TAOK1: variants seen among roughly 807,000 people sequenced by gnomAD.
TAOK1 encodes serine/threonine-protein kinase TAO1.
Under a neutral mutation model 138.3 loss-of-function variants are expected in TAOK1, and 21 were observed. That is an observed-to-expected ratio of 0.15 (90% CI 0.11 to 0.22). The LOEUF is 0.22. Among genes scored for constraint, TAOK1 ranks in the 10% least tolerant of loss-of-function variants. The pLI, the probability that TAOK1 is intolerant of heterozygous loss-of-function variation, is 1.00. For synonymous variants in TAOK1, 361 were observed against 398.4 expected (o/e 0.91, Z 1.12); for missense variants, 651 against 1,227.7 (o/e 0.53, Z 7.02).
At chr17:29,443,049 A>T (rs2029986351) in intron 1 of TAOK1, among the ~76,000 whole-genome samples, 1 of 152,140 alleles carries the variant, frequency 6.6e-6, no homozygotes, top group South Asian at 2.1e-4. Context: ...TAGATAGTAT[A>T]ATCTCTACCA....
chr17:29,447,713 A>G (rs1203143817), intron 1 of TAOK1, among the ~76,000 whole-genome samples: 5 of 150,594 alleles, frequency 3.3e-5, no homozygotes, highest in African/African-American at 4.9e-5. Context: ...CTGCAGTGCA[A>G]TGACACGATC....
At position 29,390,925 on chromosome 17, in the gene TAOK1, C is replaced by A. The variant is rs933288417; in HGVS notation, c.-194C>A. ...GGGGGGCGGCGATCTGTCGCCGGGC[C>A]CCCTCCTCCTCCTCACTCCTCACCC... On this transcript the variant is annotated 5_prime_UTR_variant, in exon 1 of 20. Transcript: ENST00000261716. 1.3e-5 allele frequency: 2 copies of A among 152,304 alleles called. No homozygotes were observed. The highest frequency in any genetic ancestry group is 2.9e-5 in the Non-Finnish European group (2 of 68,166). 9.4% of individuals were successfully genotyped at this position (152,304 alleles called of 1,614,324 possible).
Position 29,470,951 on chromosome 17 carries a change from C to A in TAOK1, c.204+3735C>A, listed in dbSNP as rs558464023. 5.3e-5 allele frequency among the ~76,000 whole-genome samples: 8 copies of A among 152,224 alleles called. No individual in the cohort carries two copies. In the East Asian group the frequency reaches 1.6e-3, roughly 30 times the overall value. On this transcript the variant is annotated intron_variant, in intron 3 of 19. Transcript: ENST00000261716. Reference sequence around the variant, plus strand: ...CAGCCTGGCCAATGTGGTGGAAAACCCTGTCTCTACTAAAAATACAAAAAT... The same window carrying A: ...CAGCCTGGCCAATGTGGTGGAAAACACTGTCTCTACTAAAAATACAAAAAT...
Position 29,530,583 on chromosome 17 carries a change from T to C in TAOK1, c.2325T>C (p.Tyr775=), listed in dbSNP as rs1210846767. Residue 775 remains tyrosine, a synonymous_variant, in exon 18 of 20, where the codon TAT becomes TAC. Transcript: ENST00000261716. ...TRKLAILAEQ[Y]DHSINEMLST... ...AATTAGCTATCTTGGCTGAGCAGTATGATCACAGCATTAATGAAATGCTCT... is the reference window on the plus strand; with the variant it reads ...AATTAGCTATCTTGGCTGAGCAGTACGATCACAGCATTAATGAAATGCTCT... 2 of 1,614,166 alleles carry C rather than the reference T, an allele frequency of 1.2e-6. No individual in the cohort carries two copies. The highest frequency in any genetic ancestry group is 1.7e-6 in the Non-Finnish European group (2 of 1,180,038).
chr17:29,417,215 A>G (rs774423840), intron 1 of TAOK1, among the ~76,000 whole-genome samples: 1 of 152,190 alleles, frequency 6.6e-6, no homozygotes, highest in Non-Finnish European at 1.5e-5. Flanking sequence ...GGGTTTTGCC[A>G]TGTTGGCCAG....
intron 2 of TAOK1, among the ~76,000 whole-genome samples, chr17:29,463,399 A>G (rs1598491436): frequency 6.6e-6 from 1 of 152,006 alleles, no homozygotes; most frequent in East Asian, 1.9e-4. Context: ...GCGAAACCCC[A>G]TCTTTACTGA....
chr17:29,537,386 G>A (rs1331380100), intron 19 of TAOK1, among the ~76,000 whole-genome samples: 1 of 151,782 alleles, frequency 6.6e-6, no homozygotes, highest in African/African-American at 2.4e-5. Context: ...GACTCACTCT[G>A]TTGCCCAGGC....
chr17:29,411,114 C>T (rs554516003), intron 1 of TAOK1, among the ~76,000 whole-genome samples: 3 of 91,742 alleles, frequency 3.3e-5, no homozygotes, highest in African/African-American at 1.2e-4. Flanking sequence ...TTTTTTGAGA[C>T]GGAGTCTCGC....
At chr17:29,493,494 GAA>G (rs1219822637) in intron 10 of TAOK1, among the ~76,000 whole-genome samples, 10 of 124,316 alleles carry the variant, frequency 8.0e-5, no homozygotes, top group Non-Finnish European at 1.2e-4. Flanking sequence ...GCTCCATCTC[GAA>G]AAAAAAAAAA....
intron 10 of TAOK1, 72 bp from the exon 11 acceptor site, chr17:29,495,488 C>G: frequency 7.8e-7 from 1 of 1,290,038 alleles, no homozygotes; most frequent in Non-Finnish European, 1.1e-6. Flanking sequence ...GATATTATCT[C>G]TAGGGTCTGA....
At chr17:29,437,200 A>G (rs1598480867) in intron 1 of TAOK1, among the ~76,000 whole-genome samples, 1 of 152,056 alleles carries the variant, frequency 6.6e-6, no homozygotes, top group African/African-American at 2.4e-5. Context: ...ACTAGCTGGG[A>G]CTACAGGTGC....
At chr17:29,429,473 A>C (rs1279583478) in intron 1 of TAOK1, among the ~76,000 whole-genome samples, 1 of 151,988 alleles carries the variant, frequency 6.6e-6, no homozygotes, top group Non-Finnish European at 1.5e-5. Flanking sequence ...ACAGTGTTTC[A>C]CCATGTTGGC....
Position 29,432,819 on chromosome 17 carries a change from C to G in TAOK1, c.-94-18636C>G, listed in dbSNP as rs148052115. 2.2e-3 allele frequency among the ~76,000 whole-genome samples: 332 copies of G among 151,694 alleles called. 1 individual carries two copies. The highest frequency in any genetic ancestry group is 7.6e-3 in the African/African-American group (314 of 41,362). On this transcript the variant is annotated intron_variant, in intron 1 of 19. Coordinates refer to ENST00000261716, the MANE Select transcript of TAOK1 (RefSeq NM_020791.4). ...AGAGAGACAGAGTTGTGCTCTGTCT[C>G]TCAGATCATAGCTTACTGCAACCTT...
chr17:29,480,408 C>G lies in TAOK1; in HGVS notation c.490C>G (p.Gln164Glu). 1 of 1,612,984 alleles carries G rather than the reference C, an allele frequency of 6.2e-7. No individual in the cohort carries two copies. Among genetic ancestry groups the G allele is most frequent in the Middle Eastern group, 1.7e-4 (1 of 6,058 alleles). ...AGNILLTEPG[Q>E]VKLADFGSAS... ...AAATATCCTTCTGACAGAACCAGGC[C>G]AGGTGAAACTTGCTGACTTTGGCTC... Residue 164 changes from glutamine to glutamate, a missense_variant, in exon 7 of 20, where the codon CAG becomes GAG. Gln to Glu is a conservative substitution (Grantham distance 29). Transcript: ENST00000261716.
In TAOK1 at chr17:29,551,270, TTCCCTTTGGTGAAGGGAAAAATGATGA is replaced by T. The variant is rs2032488791; in HGVS notation, c.*8250_*8276del. On this transcript the variant is annotated 3_prime_UTR_variant, in exon 20 of 20. Transcript: ENST00000261716. ...CATCAATGAATTTGTACATTTCTAG[TTCCCTTTGGTGAAGGGAAAAATGATGA>T]TTTTGCAAGACCTAGATTTTGGCTT... The T allele has an allele frequency of 6.6e-6, 1 of 152,182 alleles. No homozygotes were observed. The highest frequency in any genetic ancestry group is 2.4e-5 in the African/African-American group (1 of 41,446). 9.4% of individuals were successfully genotyped at this position (152,182 alleles called of 1,614,324 possible).
At chr17:29,415,167 G>T (rs974320318) in intron 1 of TAOK1, among the ~76,000 whole-genome samples, 7 of 151,834 alleles carry the variant, frequency 4.6e-5, no homozygotes, top group African/African-American at 1.7e-4. Flanking sequence ...ACGGGGTTTC[G>T]TCATGTTCCC....
chr17:29,477,899 A>G (rs954387501), intron 5 of TAOK1, among the ~76,000 whole-genome samples, 193 bp downstream of exon 5: 4 of 152,156 alleles, frequency 2.6e-5, no homozygotes, highest in Admixed American at 1.3e-4. Flanking sequence ...AGCTTAAAAT[A>G]GTCATGTTTT....
chr17:29,454,050 A>G (rs996613229), intron 2 of TAOK1, among the ~76,000 whole-genome samples: 6 of 150,876 alleles, frequency 4.0e-5, no homozygotes, highest in Non-Finnish European at 8.9e-5. Flanking sequence ...TCCTGGGCAC[A>G]AGCAGTCCAC....
chr17:29,542,888 A>G lies in TAOK1; in HGVS notation c.2872A>G (p.Ser958Gly). 6 of 1,614,038 alleles carry G rather than the reference A, an allele frequency of 3.7e-6. No homozygotes were observed. The South Asian group carries it at 6.6e-5, about 18-fold the overall frequency. Residue 958 changes from serine (S) to glycine (G), a missense_variant, in exon 20 of 20, where the codon AGC (serine) becomes GGC (glycine). Transcript: ENST00000261716. ...GCCAATGCAAGGGGTACCTCGAGGT[A>G]GCAGTATGGGAGTCCGCAATAGCCC... ...SGPMQGVPRGSSMGVRNSPQA... is the reference protein window; with the variant it reads ...SGPMQGVPRGGSMGVRNSPQA...
Sources: allele counts gnomAD v4.1 joint callset (sites outside exome capture counted in the v4.1 genomes callset), GRCh38; gene constraint gnomAD v4.1.1; transcripts MANE v1.5; gene names NCBI Gene and HGNC (gene_info 2026-07-23, HGNC 2026-07-21).